Variants in JAKMIP1 observed in about 807,000 individuals in gnomAD.
JAKMIP1 encodes the protein janus kinase and microtubule interacting protein 1, also known as janus kinase and microtubule-interacting protein 1.
In JAKMIP1, 33 loss-of-function variants were observed where a neutral mutation model predicts 113.0. The ratio of observed to expected loss-of-function variants is 0.29; its 90% CI spans 0.22 to 0.39. The LOEUF (loss-of-function observed/expected upper bound fraction) is 0.39, where lower values mean the gene tolerates loss of function less well. Ranked by LOEUF, JAKMIP1 falls within the 10% of genes least tolerant of loss-of-function variation. The pLI, the probability that JAKMIP1 is intolerant of heterozygous loss-of-function variation, is 1.00. For synonymous variants in JAKMIP1, 480 were observed against 459.9 expected, an observed-to-expected ratio of 1.04 and a Z score of -0.56; for missense variants, 813 against 1,080.5, an observed-to-expected ratio of 0.75 and a Z score of 3.47.
rs989920518 is a variant in JAKMIP1 at position 6,081,885 on chromosome 4, T to G, written c.955-130A>C. On this transcript the variant is annotated intron_variant, in intron 5 of 20. Transcript: ENST00000409021. This position sits in a 1 kb window ranked among gnomAD's most constrained non-coding sequence, Gnocchi z 4.6. ...AGGCCAGTGTCCTGGATGACACATT[T>G]GTTTGCTAGTTGCATGACAATGGGC... is the stretch of plus-strand genomic sequence containing the variant. The G allele has an allele frequency of 1.0e-5, 10 of 1,000,570 alleles. No homozygotes were observed. The highest frequency in any genetic ancestry group is 1.5e-5 in the Non-Finnish European group (10 of 683,030). The allele number at this position is 1,000,570 out of a possible 1,614,324, so 62.0% of individuals were successfully genotyped here.
rs1001455993 is a variant in JAKMIP1, at chr4:6,142,733, G to C, written c.-147-29736C>G. On this transcript the variant is annotated intron_variant, in intron 1 of 20. Transcript: ENST00000409021. This position sits in a 1 kb window ranked among gnomAD's most constrained non-coding sequence, Gnocchi z 5.5. ...GCAATGGATGGGGTGCTCTGGCCCC[G>C]GGGCCTGGCCGCAGGCAGAGATCAG... 6.6e-6 allele frequency among the ~76,000 whole-genome samples: 1 copy of C among 152,164 alleles called. No homozygotes were observed.
At position 6,064,737 on chromosome 4, in the gene JAKMIP1, C is replaced by T; in HGVS notation, c.1431+143G>A. ...GCCCGCCTTCCCTTCACACCATTGG[C>T]TTTGATAATGCACTGGTAGGAACTG... On this transcript the variant is annotated intron_variant, in intron 9 of 20. Coordinates refer to ENST00000409021, the MANE Select transcript of JAKMIP1 (RefSeq NM_001099433.2). This position sits in a 1 kb window ranked among gnomAD's most constrained non-coding sequence, Gnocchi z 4.3. 8.5e-6 allele frequency: 9 copies of T among 1,061,258 alleles called. No homozygotes were observed. Among genetic ancestry groups the T allele is most frequent in the Non-Finnish European group, 1.2e-5 (9 of 740,194 alleles). 65.7% of individuals were successfully genotyped at this position (1,061,258 alleles called of 1,614,324 possible).
chr4:6,051,447 A>G lies in JAKMIP1; in HGVS notation c.1807-768T>C, dbSNP rs372519530. On this transcript the variant is annotated intron_variant, in intron 13 of 20. Coordinates refer to ENST00000409021, the MANE Select transcript of JAKMIP1 (RefSeq NM_001099433.2). This position sits in a 1 kb window ranked among gnomAD's most constrained non-coding sequence, Gnocchi z 5.0. ...GAGACGGGGTTTCACCATGTTGGCC[A>G]GGCTGGTCTTGAACTCCAGAGACCT... 4.9e-4 allele frequency among the ~76,000 whole-genome samples: 75 copies of G among 152,224 alleles called. 1 individual carries two copies. The highest frequency in any genetic ancestry group is 1.7e-3 in the African/African-American group (71 of 41,540).
chr4:6,119,054 A>G (rs1716301491), intron 1 of JAKMIP1, among the ~76,000 whole-genome samples: 1 of 152,198 alleles, frequency 6.6e-6, no homozygotes, highest in Non-Finnish European at 1.5e-5. Context: ...AGGGAAGCCC[A>G]GGACAGCCGA....
chr4:6,181,024 G>C lies in JAKMIP1; in HGVS notation c.-148+19229C>G, dbSNP rs1019658058. On this transcript the variant is annotated intron_variant, in intron 1 of 20. Coordinates refer to ENST00000409021, the MANE Select transcript of JAKMIP1 (RefSeq NM_001099433.2). The surrounding 1 kb of genome is among the most constrained non-coding windows in gnomAD (Gnocchi z 5.4). ...TCACCTCTGCTGAAATGAGTCAAGA[G>C]ACTAGCAAGTAACCACACCACCAAG... 1.3e-5 allele frequency among the ~76,000 whole-genome samples: 2 copies of C among 152,022 alleles called. No homozygotes were observed. Among genetic ancestry groups the C allele is most frequent in the African/African-American group, 4.8e-5 (2 of 41,378 alleles).
chr4:6,191,879 G>T (rs1235625490), intron 1 of JAKMIP1, among the ~76,000 whole-genome samples: 1 of 147,124 alleles, frequency 6.8e-6, no homozygotes, highest in Non-Finnish European at 1.5e-5. Context: ...TTTACATTCC[G>T]TTTTTTTCAT....
chr4:6,028,491 G>A (rs61518988), intron 20 of JAKMIP1, among the ~76,000 whole-genome samples: 1,945 of 152,352 alleles, frequency 0.013, 22 homozygotes, highest in African/African-American at 0.021. Flanking sequence ...CATCTGAAAC[G>A]GAGGTGGAAT....
At chr4:6,055,652 T>C (rs1235642222) in intron 12 of JAKMIP1, among the ~76,000 whole-genome samples, 2 of 152,130 alleles carry the variant, frequency 1.3e-5, no homozygotes, top group Admixed American at 6.5e-5. Flanking sequence ...AGCCCAACAA[T>C]AGGCCAGCCC....
intron 20 of JAKMIP1, among the ~76,000 whole-genome samples, chr4:6,029,249 T>C (rs73071565): frequency 0.027 from 4,113 of 152,310 alleles, 148 homozygotes; most frequent in African/African-American, 0.086. Flanking sequence ...CCAAAGCCCA[T>C]TGAGAGGCCA....
rs113291051 is a variant in JAKMIP1, at chr4:6,116,094, G to A, written c.-147-3097C>T. ...GCTGGGCCACAGTGAGTGTGGAGAC[G>A]AATGGAGTGCAGGAGGGGAAGATGT... On this transcript the variant is annotated intron_variant, in intron 1 of 20. Coordinates refer to ENST00000409021, the MANE Select transcript of JAKMIP1 (RefSeq NM_001099433.2). This position sits in a 1 kb window ranked among gnomAD's most constrained non-coding sequence, Gnocchi z 5.1. Among the ~76,000 whole-genome samples, 1,275 of 152,160 alleles carry A rather than the reference G, an allele frequency of 8.4e-3. 18 individuals are homozygous for A. Among genetic ancestry groups the A allele is most frequent in the African/African-American group, 0.029 (1,198 of 41,500 alleles).
In JAKMIP1 at chr4:6,184,822, G is replaced by A. The variant is rs1726462982; in HGVS notation, c.-148+15431C>T. On this transcript the variant is annotated intron_variant, in intron 1 of 20. Coordinates refer to ENST00000409021, the MANE Select transcript of JAKMIP1 (RefSeq NM_001099433.2). The surrounding 1 kb of genome is among the most constrained non-coding windows in gnomAD (Gnocchi z 4.5). ...TGTGTCTGTGAGGATCTTACCAAAG[G>A]AGATTCACATTTCAGTCAGTGGACT... 6.6e-6 allele frequency among the ~76,000 whole-genome samples: 1 copy of A among 152,220 alleles called. No individual in the cohort carries two copies. The highest frequency in any genetic ancestry group is 2.1e-4 in the South Asian group (1 of 4,832).
chr4:6,176,271 G>C lies in JAKMIP1; in HGVS notation c.-148+23982C>G, dbSNP rs184883605. On this transcript the variant is annotated intron_variant, in intron 1 of 20. Coordinates refer to ENST00000409021, the MANE Select transcript of JAKMIP1 (RefSeq NM_001099433.2). The surrounding 1 kb of genome is among the most constrained non-coding windows in gnomAD (Gnocchi z 5.5). Reference sequence around the variant, plus strand: ...CAGCTGCTCCAGAGTCAACATGGAGGACTGCCTGGCAGCAGGTTCCACGGG... The same window carrying C: ...CAGCTGCTCCAGAGTCAACATGGAGCACTGCCTGGCAGCAGGTTCCACGGG... 1.3e-5 allele frequency among the ~76,000 whole-genome samples: 2 copies of C among 152,294 alleles called. No homozygotes were observed. Among genetic ancestry groups the C allele is most frequent in the African/African-American group, 4.8e-5 (2 of 41,562 alleles).
rs553389008 is a variant in JAKMIP1 at position 6,067,379 on chromosome 4, C to T, written c.1303-2371G>A. Among the ~76,000 whole-genome samples the T allele has an allele frequency of 3.9e-5, 6 of 152,292 alleles. No individual in the cohort carries two copies. The highest frequency in any genetic ancestry group is 9.6e-5 in the African/African-American group (4 of 41,554). ...CCCAGATGAGTCTCATTGGCAGGTA[C>T]GTGAAGACTATGGGCACCATCAACT... On this transcript the variant is annotated intron_variant, in intron 8 of 20. Transcript: ENST00000409021. The surrounding 1 kb of genome is among the most constrained non-coding windows in gnomAD (Gnocchi z 4.6).
rs1163450044 is a variant in JAKMIP1 at position 6,097,238 on chromosome 4, C to A, written c.624+8235G>T. Among the ~76,000 whole-genome samples, 1 of 152,220 alleles carries A rather than the reference C, an allele frequency of 6.6e-6. No individual in the cohort carries two copies. Among genetic ancestry groups the A allele is most frequent in the Non-Finnish European group, 1.5e-5 (1 of 68,040 alleles). On this transcript the variant is annotated intron_variant, in intron 3 of 20. Transcript: ENST00000409021. This position sits in a 1 kb window ranked among gnomAD's most constrained non-coding sequence, Gnocchi z 4.3. ...TCTCAAACTCTCAGCCTCAAGCAAT[C>A]CTCCCACCTCAGCCTCCTGATGTAT...
Position 6,059,856 on chromosome 4 carries a change from C to G in JAKMIP1, c.1644+568G>C, listed in dbSNP as rs1401214639. 6.6e-6 allele frequency among the ~76,000 whole-genome samples: 1 copy of G among 152,174 alleles called. No individual in the cohort carries two copies. Among genetic ancestry groups the G allele is most frequent in the Admixed American group, 6.5e-5 (1 of 15,286 alleles). On this transcript the variant is annotated intron_variant, in intron 11 of 20. Coordinates refer to ENST00000409021, the MANE Select transcript of JAKMIP1 (RefSeq NM_001099433.2). This position sits in a 1 kb window ranked among gnomAD's most constrained non-coding sequence, Gnocchi z 4.8. ...AGGCCAGATTTCCACCCAGAGCCCTCTCTGGCTCCCCCACTCCAGGGGACA... is the reference window on the plus strand; with the variant it reads ...AGGCCAGATTTCCACCCAGAGCCCTGTCTGGCTCCCCCACTCCAGGGGACA...
intron 8 of JAKMIP1, 75 bp downstream of exon 8, chr4:6,078,864 C>CA (rs1720069021): frequency 6.8e-7 from 1 of 1,465,794 alleles, no homozygotes; most frequent in South Asian, 1.1e-5. Context: ...AAAACCTCCC[C>CA]ACTCCACGAC....
rs115201930 is a variant in JAKMIP1, at chr4:6,061,686, G to C, written c.1560+626C>G. Reference sequence around the variant, plus strand: ...CCTGCTTCAGGGGGCCAGTGTGGGGGTGAGATGGGGGAGGGGATGCAGGGA... The same window carrying C: ...CCTGCTTCAGGGGGCCAGTGTGGGGCTGAGATGGGGGAGGGGATGCAGGGA... On this transcript the variant is annotated intron_variant, in intron 10 of 20. Transcript: ENST00000409021. This position sits in a 1 kb window ranked among gnomAD's most constrained non-coding sequence, Gnocchi z 5.3. Among the ~76,000 whole-genome samples the C allele has an allele frequency of 0.029, 4,204 of 144,750 alleles. 79 individuals are homozygous for C. The highest frequency in any genetic ancestry group is 0.046 in the Non-Finnish European group (2,995 of 65,356). 95.0% of individuals were successfully genotyped at this position (144,750 alleles called of 152,430 possible). A position where few individuals can be genotyped will look rare whatever the true frequency, so the allele number is the denominator to read the frequency against.
intron 3 of JAKMIP1, among the ~76,000 whole-genome samples, chr4:6,090,750 G>C (rs567832184): frequency 1.2e-3 from 189 of 151,996 alleles, no homozygotes; most frequent in African/African-American, 4.3e-3. Flanking sequence ...CCTTAAACTA[G>C]AGCATCGCTG....
At chr4:6,046,954 G>C (rs552115152) in intron 16 of JAKMIP1, among the ~76,000 whole-genome samples, 2 of 152,330 alleles carry the variant, frequency 1.3e-5, no homozygotes, top group Non-Finnish European at 2.9e-5. Flanking sequence ...TCACCAGCAG[G>C]TTCCTGCTCC....
Sources: gnomAD v4.1 joint callset for allele counts (sites outside exome capture counted in the v4.1 genomes callset) on GRCh38, gnomAD v4.1.1 for gene constraint, Gnocchi (gnomAD v3.1) non-coding constraint, MANE v1.5 for transcripts, NCBI Gene and HGNC (gene_info 2026-07-23, HGNC 2026-07-21) for gene names.